The following AP2B1 variants were observed in gnomAD, a reference collection of about 807,000 sequenced individuals.
The protein encoded by AP2B1 is adaptor related protein complex 2 subunit beta 1, also known as AP-2 complex subunit beta.
A neutral mutation model predicts 102.0 loss-of-function variants in AP2B1; 23 were observed. The ratio of observed to expected loss-of-function variants is 0.23; its 90% CI spans 0.16 to 0.32. The LOEUF (loss-of-function observed/expected upper bound fraction) is 0.32. Among genes scored for constraint, AP2B1 ranks in the 10% least tolerant of loss-of-function variants. The pLI is 1.00. For missense variants in AP2B1, 541 were observed against 1,157.4 expected (o/e 0.47, Z 7.73); for synonymous variants, 381 against 421.2 (o/e 0.90, Z 1.17).
chr17:35,689,428 T>C (rs1897805078), intron 18 of AP2B1, among the ~76,000 whole-genome samples: 1 of 152,130 alleles, frequency 6.6e-6, no homozygotes, highest in Admixed American at 6.6e-5. Context: ...GATCCGCCCT[T>C]GTGGGATTAC....
intron 20 of AP2B1, among the ~76,000 whole-genome samples, chr17:35,716,089 T>C (rs1474966049): frequency 2.0e-5 from 3 of 152,174 alleles, no homozygotes; most frequent in Non-Finnish European, 4.4e-5. Flanking sequence ...AACTCCAGGA[T>C]CCCTTTGTTC....
At chr17:35,664,983 CTGA>C (rs1290779881) in intron 14 of AP2B1, among the ~76,000 whole-genome samples, 1 of 152,072 alleles carries the variant, frequency 6.6e-6, no homozygotes, top group African/African-American at 2.4e-5. Context: ...ATGGAGTCTT[CTGA>C]TGATTTTTAT....
chr17:35,636,733 G>C (rs1415821519), intron 10 of AP2B1, among the ~76,000 whole-genome samples: 1 of 152,192 alleles, frequency 6.6e-6, no homozygotes, highest in Non-Finnish European at 1.5e-5. Context: ...CAAAGTTACT[G>C]TTAAATAGGA....
intron 15 of AP2B1, 98 bp downstream of exon 15, chr17:35,670,996 G>A (rs2075575938): frequency 1.6e-6 from 2 of 1,276,004 alleles, no homozygotes; most frequent in Admixed American, 1.7e-5. Context: ...CTGCTGTCTA[G>A]CACTGCACAC....
intron 14 of AP2B1, among the ~76,000 whole-genome samples, chr17:35,664,479 G>A (rs934092864): frequency 6.6e-6 from 1 of 152,132 alleles, no homozygotes; most frequent in Non-Finnish European, 1.5e-5. Flanking sequence ...TGTTGATGCA[G>A]ATATTGTGCT....
intron 1 of AP2B1, among the ~76,000 whole-genome samples, chr17:35,592,949 G>T (rs1428032168): frequency 6.6e-6 from 1 of 152,160 alleles, no homozygotes; most frequent in Non-Finnish European, 1.5e-5. Flanking sequence ...ACCAGACTGT[G>T]CCGTTTTTGT....
chr17:35,631,182 G>A (rs2074451041), intron 9 of AP2B1, among the ~76,000 whole-genome samples: 1 of 152,142 alleles, frequency 6.6e-6, no homozygotes, highest in Non-Finnish European at 1.5e-5. Flanking sequence ...TTTTAAAAAG[G>A]AGAGAGGTTG....
At chr17:35,597,707 T>C (rs2073339207) in intron 2 of AP2B1, among the ~76,000 whole-genome samples, 1 of 152,174 alleles carries the variant, frequency 6.6e-6, no homozygotes, top group South Asian at 2.1e-4. Context: ...ATTTCTCAGG[T>C]AATATTAGTG....
chr17:35,676,379 C>T (rs79010821), intron 17 of AP2B1, among the ~76,000 whole-genome samples: 5,479 of 152,220 alleles, frequency 0.036, 142 homozygotes, highest in Non-Finnish European at 0.048. Flanking sequence ...AATGAAATTA[C>T]ATAATATGGA....
At chr17:35,700,485 C>T (rs587696809) in intron 18 of AP2B1, among the ~76,000 whole-genome samples, 33 of 152,158 alleles carry the variant, frequency 2.2e-4, no homozygotes, top group Admixed American at 1.4e-3. Flanking sequence ...TCACAAGTGA[C>T]GTTATGGAAG....
chr17:35,636,399 A>G lies in AP2B1; in HGVS notation c.1214A>G (p.Tyr405Cys). ...LLDLIQTKVN[Y>C]VVQEAIVVIR... ...GATCTAATCCAGACCAAAGTGAATT[A>G]TGTGGTCCAAGAAGCAATTGTTGTC... is the stretch of plus-strand genomic sequence containing the variant. The change falls in exon 10 of 22, where the codon TAT becomes TGT. Residue 405 changes from tyrosine (Y) to cysteine (C), a missense_variant. Tyr to Cys is a radical substitution (Grantham distance 194). Transcript: ENST00000610402. The G allele has an allele frequency of 6.2e-7, 1 of 1,614,090 alleles. No homozygotes were observed. The highest frequency in any genetic ancestry group is 8.5e-7 in the Non-Finnish European group (1 of 1,179,976).
At chr17:35,718,312 CTG>C (rs57852031) in intron 21 of AP2B1, among the ~76,000 whole-genome samples, 14,805 of 138,896 alleles carry the variant, frequency 0.11, 730 homozygotes, top group East Asian at 0.14. Context: ...GTTGGAGTAG[CTG>C]TGTGTGTGTG....
At chr17:35,670,964 C>A in intron 15 of AP2B1, 66 bp downstream of exon 15, 1 of 1,531,040 alleles carries the variant, frequency 6.5e-7, no homozygotes, top group South Asian at 1.1e-5. Context: ...TTCCTATGTA[C>A]ACATTATCAG....
chr17:35,631,319 C>A (rs1273690676), intron 9 of AP2B1, among the ~76,000 whole-genome samples: 1 of 152,016 alleles, frequency 6.6e-6, no homozygotes, highest in African/African-American at 2.4e-5. Context: ...AGACAAAAAA[C>A]ATATTTTTCC....
chr17:35,636,232 C>G (rs1003054508), intron 9 of AP2B1, 109 bp from the exon 10 acceptor site: 2 of 660,266 alleles, frequency 3.0e-6, no homozygotes, highest in Non-Finnish European at 5.3e-6. Context: ...AGTGCCTGAT[C>G]ATTTAGTTTG....
Position 35,594,026 on chromosome 17 carries a change from A to G in AP2B1, c.-5A>G. ...GCTATAGGTGCACATTAAAGATCCA[A>G]AGTCATGACTGACTCCAAGTATTTC... On this transcript the variant is annotated 5_prime_UTR_variant, in exon 2 of 22. Coordinates refer to ENST00000610402, the MANE Select transcript of AP2B1 (RefSeq NM_001030006.2). The G allele has an allele frequency of 6.3e-7, 1 of 1,586,446 alleles. No homozygotes were observed.
At chr17:35,590,462 A>T (rs1297462606) in intron 1 of AP2B1, among the ~76,000 whole-genome samples, 1 of 152,192 alleles carries the variant, frequency 6.6e-6, no homozygotes, top group South Asian at 2.1e-4. Flanking sequence ...TTGTGCAACA[A>T]TCATGTCTTC....
chr17:35,679,689 A>G (rs2075776075), intron 17 of AP2B1, among the ~76,000 whole-genome samples: 1 of 152,062 alleles, frequency 6.6e-6, no homozygotes, highest in African/African-American at 2.4e-5. Flanking sequence ...AAGATTTGGA[A>G]CCATGCTGCT....
chr17:35,593,003 G>A (rs2073150881), intron 1 of AP2B1, among the ~76,000 whole-genome samples: 1 of 152,110 alleles, frequency 6.6e-6, no homozygotes, highest in Non-Finnish European at 1.5e-5. Flanking sequence ...CTGGAAATTG[G>A]GATGGAAGAG....
Sources: gnomAD v4.1 joint callset for allele counts (sites outside exome capture counted in the v4.1 genomes callset) on GRCh38, gnomAD v4.1.1 for gene constraint, MANE v1.5 for transcripts, NCBI Gene and HGNC (gene_info 2026-07-23, HGNC 2026-07-21) for gene names.